Variants in NDUFAF5 observed in about 807,000 individuals in gnomAD.
The protein encoded by NDUFAF5 is arginine-hydroxylase NDUFAF5, mitochondrial.
A neutral mutation model predicts 48.9 loss-of-function variants in NDUFAF5; 34 were observed. That is an observed-to-expected ratio of 0.70 (90% CI 0.53 to 0.93). The LOEUF is 0.93. Among genes scored for constraint, NDUFAF5 ranks in the 40% least tolerant of loss-of-function variants. NDUFAF5 has a pLI of 0.00. For missense variants in NDUFAF5, 428 were observed against 427.5 expected (o/e 1.00, Z -0.01); for synonymous variants, 153 against 150.6 (o/e 1.02, Z -0.12).
chr20:13,809,136 A>G (rs1013595542), intron 8 of NDUFAF5: 2 of 552,344 alleles, frequency 3.6e-6, no homozygotes, highest in Non-Finnish European at 6.5e-6. Flanking sequence ...TTAAATTAGA[A>G]TTATGGTCAG....
At chr20:13,813,304 A>G (rs1986093997) in intron 8 of NDUFAF5, among the ~76,000 whole-genome samples, 7 of 152,210 alleles carry the variant, frequency 4.6e-5, no homozygotes, top group Admixed American at 4.6e-4. Flanking sequence ...ATGCTTTCGT[A>G]ATGCTGCTTT....
intron 3 of NDUFAF5, among the ~76,000 whole-genome samples, chr20:13,789,405 T>A (rs1981857723): frequency 6.6e-6 from 1 of 152,140 alleles, no homozygotes; most frequent in Non-Finnish European, 1.5e-5. Flanking sequence ...CCTCAGGTGA[T>A]CCGCCTGTCT....
At chr20:13,796,004 T>C (rs1299227655) in intron 5 of NDUFAF5, among the ~76,000 whole-genome samples, 4 of 152,200 alleles carry the variant, frequency 2.6e-5, no homozygotes, top group Non-Finnish European at 5.9e-5. Context: ...AGGGATCCTG[T>C]CCTCAAATAA....
At chr20:13,787,143 T>A in intron 1 of NDUFAF5, 169 bp from the exon 2 acceptor site, 1 of 704,360 alleles carries the variant, frequency 1.4e-6, no homozygotes, top group South Asian at 1.6e-5. Flanking sequence ...TCTGAAATAA[T>A]TTGCCTCAAT....
chr20:13,792,129 T>A (rs1255892510), intron 3 of NDUFAF5, among the ~76,000 whole-genome samples: 1 of 152,184 alleles, frequency 6.6e-6, no homozygotes. Context: ...TAGTTCAAAT[T>A]TTCAAGTGAG....
At chr20:13,787,417 C>G (rs1164734662) in intron 2 of NDUFAF5, 65 bp downstream of exon 2, 11 of 1,451,922 alleles carry the variant, frequency 7.6e-6, no homozygotes, top group Admixed American at 6.7e-5. Context: ...AGATTAAATG[C>G]TGAGAACTTG....
In NDUFAF5 at chr20:13,785,280, T is replaced by G. The variant is rs1464986688; in HGVS notation, c.212T>G (p.Leu71Arg). The G allele has an allele frequency of 3.2e-6, 5 of 1,561,408 alleles. No individual in the cohort carries two copies. The highest frequency in any genetic ancestry group is 3.5e-6 in the Non-Finnish European group (4 of 1,136,062). Residue 71 changes from leucine to arginine, a missense_variant, in exon 1 of 11, where the codon CTG becomes CGG. Transcript: ENST00000378106. ...CCCGAGCCGACCAAATTTGACTACC[T>G]GAAGGAGGAGGTGAGCCCGCGGGGC... Reference protein sequence around the residue: ...RQPEPTKFDYLKEEVGSRIAD... With the variant: ...RQPEPTKFDYRKEEVGSRIAD...
chr20:13,820,663 C>G lies in NDUFAF5; in HGVS notation c.*3453C>G, dbSNP rs1370734214. On this transcript the variant is annotated 3_prime_UTR_variant, in exon 11 of 11. Coordinates refer to ENST00000378106, the MANE Select transcript of NDUFAF5 (RefSeq NM_024120.5). ...AAGCTGTCGCACCACTGCACTCTAG[C>G]CTGGGCAACAGCAAGACCCTCGTCT... The G allele has an allele frequency of 6.6e-6, 1 of 151,864 alleles. No individual in the cohort carries two copies. The highest frequency in any genetic ancestry group is 6.6e-5 in the Admixed American group (1 of 15,240). The allele number at this position is 151,864 out of a possible 1,614,324, so 9.4% of individuals were successfully genotyped here.
At chr20:13,813,236 C>T (rs768409279) in intron 8 of NDUFAF5, among the ~76,000 whole-genome samples, 2 of 152,198 alleles carry the variant, frequency 1.3e-5, no homozygotes, top group African/African-American at 4.8e-5. Context: ...AGGTGTGAGT[C>T]TCCTAAAGGT....
At chr20:13,797,899 A>G (rs755566338) in intron 5 of NDUFAF5, among the ~76,000 whole-genome samples, 2 of 152,218 alleles carry the variant, frequency 1.3e-5, no homozygotes, top group African/African-American at 4.8e-5. Context: ...TGCTCCAAAA[A>G]TAATTAAAAA....
intron 5 of NDUFAF5, among the ~76,000 whole-genome samples, chr20:13,797,277 C>T (rs1373284071): frequency 2.0e-5 from 3 of 152,132 alleles, no homozygotes; most frequent in Non-Finnish European, 4.4e-5. Flanking sequence ...CTTACGTCCA[C>T]GCAAAAACCT....
At chr20:13,805,941 A>G (rs6079180) in intron 7 of NDUFAF5, among the ~76,000 whole-genome samples, 14,696 of 152,178 alleles carry the variant, frequency 0.097, 895 homozygotes, top group Non-Finnish European at 0.13. Flanking sequence ...AAAAATAATA[A>G]TAATATGTGT....
chr20:13,790,211 G>A (rs891213825), intron 3 of NDUFAF5, among the ~76,000 whole-genome samples: 1 of 152,150 alleles, frequency 6.6e-6, no homozygotes, highest in Non-Finnish European at 1.5e-5. Flanking sequence ...AGAAATAAAG[G>A]CCTGCCACCC....
chr20:13,796,352 G>T (rs1032004451), intron 5 of NDUFAF5, among the ~76,000 whole-genome samples: 1 of 152,134 alleles, frequency 6.6e-6, no homozygotes, highest in Admixed American at 6.5e-5. Context: ...AAGAACCCTG[G>T]GCAGGGAGTC....
chr20:13,814,523 C>A, intron 8 of NDUFAF5: 1 of 1,256,944 alleles, frequency 8.0e-7, no homozygotes, highest in Non-Finnish European at 1.0e-6. Context: ...AAGGTAAGTT[C>A]AGTTATTTTT....
chr20:13,804,778 A>G (rs1374512734), intron 7 of NDUFAF5, among the ~76,000 whole-genome samples: 4 of 152,170 alleles, frequency 2.6e-5, no homozygotes, highest in East Asian at 1.9e-4. Context: ...AGGTACTTCA[A>G]ATATAGCAGT....
chr20:13,797,032 TTTG>T (rs1275393258), intron 5 of NDUFAF5, among the ~76,000 whole-genome samples: 1 of 152,160 alleles, frequency 6.6e-6, no homozygotes, highest in African/African-American at 2.4e-5. Context: ...CTGGTTTTTG[TTTG>T]TTTTTATCAC....
chr20:13,790,116 C>T (rs1378457796), intron 3 of NDUFAF5, among the ~76,000 whole-genome samples: 2 of 152,040 alleles, frequency 1.3e-5, no homozygotes, highest in Non-Finnish European at 2.9e-5. Flanking sequence ...GAAGATTAAT[C>T]TGGGGATGGC....
intron 8 of NDUFAF5, among the ~76,000 whole-genome samples, chr20:13,813,302 G>A (rs534168943): frequency 1.9e-4 from 29 of 152,250 alleles, no homozygotes; most frequent in Non-Finnish European, 3.5e-4. Flanking sequence ...AGATGCTTTC[G>A]TAATGCTGCT....
Sources: allele counts gnomAD v4.1 joint callset (sites outside exome capture counted in the v4.1 genomes callset), GRCh38; gene constraint gnomAD v4.1.1; transcripts MANE v1.5; gene names NCBI Gene and HGNC (gene_info 2026-07-23, HGNC 2026-07-21).